Variants in HDAC9 observed in about 807,000 individuals in gnomAD.
HDAC9 encodes the protein histone deacetylase 9.
Under a neutral mutation model 139.4 loss-of-function variants are expected in HDAC9, and 41 were observed. The observed-to-expected ratio is 0.29, with a 90% CI of 0.23 to 0.38. HDAC9 has a LOEUF of 0.38. Ranked by LOEUF, HDAC9 falls within the 10% of genes least tolerant of loss-of-function variation. HDAC9 has a pLI of 1.00. For missense variants in HDAC9, 1,147 were observed against 1,297.0 expected (o/e 0.88, Z 1.78); for synonymous variants, 517 against 476.2 (o/e 1.09, Z -1.12).
intron 17 of HDAC9, among the ~76,000 whole-genome samples, chr7:18,816,246 G>C (rs2520357): frequency 1.3e-5 from 2 of 152,092 alleles, no homozygotes; most frequent in Admixed American, 1.3e-4. Context: ...TTACTTCTAA[G>C]TAAAGCTTAA....
chr7:18,342,590 G>T (rs917848082), intron 1 of HDAC9, among the ~76,000 whole-genome samples: 1 of 151,660 alleles, frequency 6.6e-6, no homozygotes, highest in Non-Finnish European at 1.5e-5. Flanking sequence ...TATTAAGAAG[G>T]CTAATTACCT....
At chr7:18,901,491 T>A (rs1801718721) in intron 22 of HDAC9, among the ~76,000 whole-genome samples, 1 of 152,168 alleles carries the variant, frequency 6.6e-6, no homozygotes, top group East Asian at 1.9e-4. Flanking sequence ...TGTTTGTTTC[T>A]GGTAAGCCTG....
intron 12 of HDAC9, among the ~76,000 whole-genome samples, chr7:18,715,944 CTGAGAA>C (rs534959300): frequency 8.4e-4 from 128 of 152,166 alleles, no homozygotes; most frequent in Non-Finnish European, 7.9e-4. Context: ...AGATCCTAGA[CTGAGAA>C]TATCTGTTCA....
chr7:18,761,951 T>C (rs1270693136), intron 14 of HDAC9, among the ~76,000 whole-genome samples: 1 of 152,204 alleles, frequency 6.6e-6, no homozygotes, highest in Non-Finnish European at 1.5e-5. Context: ...CAGTTGCCCA[T>C]TTAGGTATAA....
intron 1 of HDAC9, among the ~76,000 whole-genome samples, chr7:18,336,485 C>A (rs1482849111): frequency 6.6e-6 from 1 of 151,556 alleles, no homozygotes; most frequent in Non-Finnish European, 1.5e-5. Flanking sequence ...ATAACATCTT[C>A]ATTTTAACAT....
At chr7:18,848,555 G>A (rs1485706690) in intron 21 of HDAC9, among the ~76,000 whole-genome samples, 2 of 151,660 alleles carry the variant, frequency 1.3e-5, no homozygotes, top group Non-Finnish European at 1.5e-5. Flanking sequence ...GTTGTAATCC[G>A]GTGAGAGCGC....
At chr7:18,389,841 G>A (rs1018064245) in intron 1 of HDAC9, among the ~76,000 whole-genome samples, 5 of 152,142 alleles carry the variant, frequency 3.3e-5, no homozygotes, top group African/African-American at 4.8e-5. Flanking sequence ...TAAAAATGCA[G>A]CAAAGGCAAA....
At chr7:18,907,095 G>C (rs751859653) in intron 22 of HDAC9, 7 of 152,188 alleles carry the variant, frequency 4.6e-5, no homozygotes, top group African/African-American at 4.8e-5. Flanking sequence ...ACCACAAGGA[G>C]GCACTATGGA....
chr7:18,871,205 C>T (rs921159680), intron 21 of HDAC9, among the ~76,000 whole-genome samples: 1 of 152,144 alleles, frequency 6.6e-6, no homozygotes, highest in Non-Finnish European at 1.5e-5. Flanking sequence ...ATTGTTTCAG[C>T]TTTGGCCATT....
intron 13 of HDAC9, among the ~76,000 whole-genome samples, chr7:18,746,976 G>A (rs1484332353): frequency 6.6e-6 from 1 of 152,140 alleles, no homozygotes; most frequent in Admixed American, 6.5e-5. Flanking sequence ...TAAAAACTGA[G>A]CCTTGAAGAG....
Position 19,001,227 on chromosome 7 carries a change from G to A in HDAC9, c.*5165G>A, listed in dbSNP as rs1786732801. On this transcript the variant is annotated 3_prime_UTR_variant, in exon 26 of 26. Transcript: ENST00000686413. ...GTCTTTGAGTCAAACCCACAAGCAT[G>A]AACTCTCACCTGAAAGAAAACTGGA... 1 of 152,110 alleles carries A rather than the reference G, an allele frequency of 6.6e-6. No individual in the cohort carries two copies. Among genetic ancestry groups the A allele is most frequent in the Admixed American group, 6.5e-5 (1 of 15,284 alleles). The allele number at this position is 152,110 out of a possible 1,614,324, so 9.4% of individuals were successfully genotyped here. A position where few individuals can be genotyped will look rare whatever the true frequency, so the allele number is the denominator to read the frequency against.
chr7:18,185,431 A>G (rs1420874827), intron 2 of HDAC9, among the ~76,000 whole-genome samples: 1 of 152,242 alleles, frequency 6.6e-6, no homozygotes, highest in Non-Finnish European at 1.5e-5. Context: ...CACAAAGAAC[A>G]GGATAAAGTA....
At chr7:18,578,120 C>T in intron 2 of HDAC9, 1 of 518,868 alleles carries the variant, frequency 1.9e-6, no homozygotes, top group Non-Finnish European at 3.8e-6. Flanking sequence ...CTAGCAGCTG[C>T]AGGGAACTGT....
chr7:18,323,202 T>C (rs1800161874), intron 1 of HDAC9, among the ~76,000 whole-genome samples: 1 of 152,156 alleles, frequency 6.6e-6, no homozygotes. Context: ...CCAGACTCCA[T>C]ATCCACTGAT....
intron 1 of HDAC9, among the ~76,000 whole-genome samples, chr7:18,327,024 C>T (rs1449889808): frequency 6.6e-6 from 1 of 151,796 alleles, no homozygotes; most frequent in East Asian, 1.9e-4. Context: ...TTTATAGTTC[C>T]TGTCTGCTGA....
intron 1 of HDAC9, among the ~76,000 whole-genome samples, chr7:18,110,243 G>A (rs1272691100): frequency 6.6e-6 from 1 of 152,142 alleles, no homozygotes; most frequent in Non-Finnish European, 1.5e-5. Flanking sequence ...TTGTCCTTTT[G>A]GTAGATATAG....
intron 25 of HDAC9, among the ~76,000 whole-genome samples, chr7:18,980,704 C>A (rs1423639609): frequency 6.7e-5 from 10 of 148,284 alleles, no homozygotes; most frequent in African/African-American, 2.5e-4. Context: ...CTTCCTTCTT[C>A]TTCCTTCTTC....
At chr7:18,329,659 G>A (rs992067926) in intron 1 of HDAC9, among the ~76,000 whole-genome samples, 1 of 151,636 alleles carries the variant, frequency 6.6e-6, no homozygotes, top group Non-Finnish European at 1.5e-5. Context: ...TGATGTGCCT[G>A]TCAGGGGATC....
At chr7:18,919,955 G>C (rs1013351739) in intron 22 of HDAC9, among the ~76,000 whole-genome samples, 1 of 151,978 alleles carries the variant, frequency 6.6e-6, no homozygotes, top group Non-Finnish European at 1.5e-5. Context: ...TGTTCTTTTG[G>C]CTTAGGATTG....
Sources: allele counts gnomAD v4.1 joint callset (sites outside exome capture counted in the v4.1 genomes callset), GRCh38; gene constraint gnomAD v4.1.1; transcripts MANE v1.5; gene names NCBI Gene and HGNC (gene_info 2026-07-23, HGNC 2026-07-21).